RRM1: variants seen among roughly 807,000 people sequenced by gnomAD.
RRM1 encodes the protein ribonucleoside-diphosphate reductase large subunit.
In RRM1, 19 loss-of-function variants were observed where a neutral mutation model predicts 101.5. That is an observed-to-expected ratio of 0.19 (90% CI 0.13 to 0.27). RRM1 has a LOEUF of 0.27. RRM1 is among the 10% of genes least tolerant of loss of function. The probability of loss-of-function intolerance (pLI) is 1.00; values close to 1 mark genes in which losing one functional copy is unlikely to be tolerated. For synonymous variants in RRM1, 298 were observed against 323.4 expected (o/e 0.92, Z 0.84); for missense variants, 500 against 962.9 (o/e 0.52, Z 6.36).
intron 9 of RRM1, among the ~76,000 whole-genome samples, chr11:4,120,985 A>C (rs917512419): frequency 6.6e-6 from 1 of 152,176 alleles, no homozygotes; most frequent in Non-Finnish European, 1.5e-5. Flanking sequence ...ATACCACTGC[A>C]CTCCAGCCTG....
intron 1 of RRM1, 132 bp from the exon 2 acceptor site, chr11:4,101,861 C>G (rs1048945206): frequency 4.9e-6 from 3 of 608,530 alleles, no homozygotes; most frequent in Non-Finnish European, 5.8e-6. Flanking sequence ...TTGAGGGGGC[C>G]TCAATCTTTT....
At chr11:4,095,573 T>C (rs1315366698) in intron 1 of RRM1, among the ~76,000 whole-genome samples, 1 of 151,872 alleles carries the variant, frequency 6.6e-6, no homozygotes, top group Non-Finnish European at 1.5e-5. Context: ...TTTTGTGGGG[T>C]GAGGATAGGA....
chr11:4,101,680 G>C (rs2094551644), intron 1 of RRM1, among the ~76,000 whole-genome samples: 1 of 151,864 alleles, frequency 6.6e-6, no homozygotes, highest in Non-Finnish European at 1.5e-5. Context: ...GCCACTATTA[G>C]GAGTTTTGAA....
At chr11:4,095,129 C>T (rs1463146411) in intron 1 of RRM1, 98 bp downstream of exon 1, 39 of 1,307,590 alleles carry the variant, frequency 3.0e-5, no homozygotes, top group Middle Eastern at 2.7e-4. Context: ...TTCGCTGCTT[C>T]CCGCCTTTCC....
intron 2 of RRM1, among the ~76,000 whole-genome samples, chr11:4,102,822 A>C (rs959263547): frequency 2.0e-5 from 3 of 152,240 alleles, no homozygotes; most frequent in Non-Finnish European, 4.4e-5. Context: ...TTCATAAACC[A>C]GTTGCTCTGC....
In RRM1 at chr11:4,132,156, T is replaced by A; in HGVS notation, c.1770-130T>A. The A allele has an allele frequency of 1.1e-6, 1 of 892,714 alleles. No homozygotes were observed. The highest frequency in any genetic ancestry group is 1.7e-6 in the Non-Finnish European group (1 of 572,650). 55.3% of individuals were successfully genotyped at this position (892,714 alleles called of 1,614,324 possible). On this transcript the variant is annotated intron_variant, in intron 15 of 18. Transcript: ENST00000300738. The surrounding 1 kb of genome is among the most constrained non-coding windows in gnomAD (Gnocchi z 4.1). ...TTTAATTTGAAAGTCAACGTGTGAG[T>A]TCAATGCATGTACGATGTTACATTT...
chr11:4,113,948 G>A (rs770502145), intron 7 of RRM1, among the ~76,000 whole-genome samples: 6 of 152,064 alleles, frequency 3.9e-5, no homozygotes, highest in Non-Finnish European at 8.8e-5. Flanking sequence ...GCAACATGGT[G>A]AAACCCTGTC....
chr11:4,122,258 A>C, intron 11 of RRM1, 38 bp downstream of exon 11: 1 of 1,404,728 alleles, frequency 7.1e-7, no homozygotes. Flanking sequence ...TAATGTTTTA[A>C]TCATGGTTTC....
intron 2 of RRM1, chr11:4,105,526 C>T (rs1284806739): frequency 2.5e-6 from 1 of 393,008 alleles, no homozygotes; most frequent in African/African-American, 2.2e-5. Flanking sequence ...CCACTGTGCC[C>T]AACCTGTCGT....
chr11:4,108,325 G>A (rs780684506), intron 4 of RRM1, among the ~76,000 whole-genome samples: 9 of 152,146 alleles, frequency 5.9e-5, no homozygotes, highest in Middle Eastern at 3.2e-3. Flanking sequence ...TAGGCCGGGC[G>A]CGGTAGCTCA....
chr11:4,112,151 G>A (rs1051344843), intron 7 of RRM1, 89 bp downstream of exon 7: 1 of 925,598 alleles, frequency 1.1e-6, no homozygotes, highest in Non-Finnish European at 1.7e-6. Flanking sequence ...TGACCTTTTA[G>A]TAGCTGCCTG....
Position 4,123,354 on chromosome 11 carries a change from A to G in RRM1, c.1290A>G (p.Thr430=), listed in dbSNP as rs140020829. Residue 430 remains threonine, a synonymous_variant, in exon 12 of 19, where the codon ACA becomes ACG. Transcript: ENST00000300738. ...CCATCAAATGCAGCAACCTGTGCAC[A>G]GAAATAGTGGAGTACACCAGCAAAG... ...LGTIKCSNLC[T]EIVEYTSKDE... 2.7e-5 allele frequency: 44 copies of G among 1,614,178 alleles called. No individual in the cohort carries two copies. In the African/African-American group the frequency reaches 3.3e-4, roughly 12 times the overall value.
chr11:4,125,896 T>A (rs1309490506), intron 12 of RRM1, among the ~76,000 whole-genome samples: 1 of 152,220 alleles, frequency 6.6e-6, no homozygotes, highest in African/African-American at 2.4e-5. Flanking sequence ...GTGAAGGGCA[T>A]CAAGAGTTCA....
At chr11:4,105,165 A>G (rs2094556600) in intron 2 of RRM1, among the ~76,000 whole-genome samples, 1 of 152,116 alleles carries the variant, frequency 6.6e-6, no homozygotes, top group Non-Finnish European at 1.5e-5. Context: ...TGGATTATGC[A>G]TTCTCATTAC....
chr11:4,138,670 G>T lies in RRM1; in HGVS notation c.*287G>T. ...TGCAAAATAAGTCATCTTGCATACA[G>T]GGAGTGGTTAAGTAAGGTTTCATCA... On this transcript the variant is annotated 3_prime_UTR_variant, in exon 19 of 19. Transcript: ENST00000300738. 3.8e-6 allele frequency: 1 copy of T among 261,294 alleles called. No individual in the cohort carries two copies. The highest frequency in any genetic ancestry group is 7.2e-6 in the Non-Finnish European group (1 of 138,098). The allele number at this position is 261,294 out of a possible 1,614,324, so 16.2% of individuals were successfully genotyped here.
chr11:4,130,487 G>A (rs1290715145), intron 15 of RRM1, among the ~76,000 whole-genome samples: 3 of 152,056 alleles, frequency 2.0e-5, no homozygotes, highest in African/African-American at 7.2e-5. Flanking sequence ...CTTGAGGTCA[G>A]GAGTTCAAGA....
intron 14 of RRM1, among the ~76,000 whole-genome samples, chr11:4,127,549 A>C (rs532195017): frequency 6.6e-5 from 10 of 152,304 alleles, no homozygotes; most frequent in African/African-American, 2.2e-4. Flanking sequence ...AAGCCTTGGA[A>C]TGCTGATAAC....
intron 1 of RRM1, among the ~76,000 whole-genome samples, chr11:4,096,341 A>T (rs1201866980): frequency 6.6e-6 from 1 of 152,234 alleles, no homozygotes; most frequent in African/African-American, 2.4e-5. Context: ...CGTTTAGCAC[A>T]GGACCTGACA....
intron 15 of RRM1, among the ~76,000 whole-genome samples, chr11:4,131,231 G>A (rs767550513): frequency 3.2e-4 from 49 of 152,192 alleles, no homozygotes; most frequent in Non-Finnish European, 3.7e-4. Flanking sequence ...TATAAAACCA[G>A]ATCTTGTGAG....
Sources: allele counts gnomAD v4.1 joint callset (sites outside exome capture counted in the v4.1 genomes callset), GRCh38; gene constraint gnomAD v4.1.1; non-coding constraint Gnocchi (gnomAD v3.1); transcripts MANE v1.5; gene names NCBI Gene and HGNC (gene_info 2026-07-23, HGNC 2026-07-21).